PCNX2: variants seen among roughly 807,000 people sequenced by gnomAD.
The protein encoded by PCNX2 is pecanex-like protein 2.
A neutral mutation model predicts 223.8 loss-of-function variants in PCNX2; 168 were observed. The observed-to-expected ratio is 0.75, with a 90% CI of 0.66 to 0.85. The LOEUF is 0.85. Ranked by LOEUF, PCNX2 falls within the 40% of genes least tolerant of loss-of-function variation. The pLI, the probability that PCNX2 is intolerant of heterozygous loss-of-function variation, is 0.00. For missense variants in PCNX2, 2,507 were observed against 2,675.5 expected, an observed-to-expected ratio of 0.94 and a Z score of 1.39; for synonymous variants, 1,006 against 1,052.6, an observed-to-expected ratio of 0.96 and a Z score of 0.86.
At position 233,192,977 on chromosome 1, in the gene PCNX2, C is replaced by A. The variant is rs561276655; in HGVS notation, c.3066+5962G>T. 6.3e-4 allele frequency among the ~76,000 whole-genome samples: 92 copies of A among 147,082 alleles called. No homozygotes were observed. The South Asian group carries it at 6.4e-3, about 10-fold the overall frequency. On this transcript the variant is annotated intron_variant, in intron 15 of 33. Transcript: ENST00000258229. ...GTAACAATAAATACATTTTAATTTGCATTTATTATTTAGACTTATATATTA... is the reference window on the plus strand; with the variant it reads ...GTAACAATAAATACATTTTAATTTGAATTTATTATTTAGACTTATATATTA...
intron 1 of PCNX2, chr1:233,289,321 G>T (rs964629602): frequency 2.3e-5 from 24 of 1,031,168 alleles, no homozygotes; most frequent in Non-Finnish European, 3.2e-5. Flanking sequence ...ATAATATTCA[G>T]CTCCCTGAGC....
chr1:233,228,673 T>C (rs1480976623), intron 9 of PCNX2, among the ~76,000 whole-genome samples: 1 of 152,242 alleles, frequency 6.6e-6, no homozygotes, highest in Non-Finnish European at 1.5e-5. Flanking sequence ...ATACTCCTTG[T>C]ATGTCTGTAT....
chr1:233,189,049 A>G lies in PCNX2; in HGVS notation c.3067-9874T>C, dbSNP rs191865834. 5.3e-5 allele frequency among the ~76,000 whole-genome samples: 8 copies of G among 152,272 alleles called. No homozygotes were observed. In the East Asian group the frequency reaches 1.4e-3, roughly 26 times the overall value. On this transcript the variant is annotated intron_variant, in intron 15 of 33. Transcript: ENST00000258229. ...ATCTTAGAATTCAGCCTCCCACACC[A>G]CTTAACAGGAACTTTTAGCCAGGCA...
intron 25 of PCNX2, chr1:233,032,895 A>G: frequency 1.3e-6 from 1 of 790,106 alleles, no homozygotes; most frequent in Non-Finnish European, 1.5e-6. Context: ...TTAGGAGTGA[A>G]AGAGTCACAC....
rs758450835 is a variant in PCNX2 at position 233,252,640 on chromosome 1, C to T, written c.1982+1G>A. 1.2e-6 allele frequency: 2 copies of T among 1,608,406 alleles called. No homozygotes were observed. Among genetic ancestry groups the T allele is most frequent in the East Asian group, 2.2e-5 (1 of 44,870 alleles). ...AACTAAATTAAGTAACTTATCCTTA[C>T]AAGGCTGTGGTCTTGGCAGGCTGAG... is the stretch of plus-strand genomic sequence containing the variant. On this transcript the variant is annotated splice_donor_variant, in intron 6 of 33. Transcript: ENST00000258229. LOFTEE classifies it high-confidence loss of function.
At chr1:233,095,011 C>G (rs1270678295) in intron 22 of PCNX2, among the ~76,000 whole-genome samples, 2 of 152,138 alleles carry the variant, frequency 1.3e-5, no homozygotes, top group Non-Finnish European at 2.9e-5. Context: ...GAAGGAAAAC[C>G]TTTGAGGACA....
At chr1:233,257,583 A>G (rs1659803569) in intron 5 of PCNX2, among the ~76,000 whole-genome samples, 1 of 152,244 alleles carries the variant, frequency 6.6e-6, no homozygotes, top group African/African-American at 2.4e-5. Context: ...TATGTGTACA[A>G]CATGGGATAA....
chr1:233,111,905 G>A (rs1186614987), intron 21 of PCNX2, among the ~76,000 whole-genome samples: 8 of 152,208 alleles, frequency 5.3e-5, no homozygotes, highest in Admixed American at 2.6e-4. Flanking sequence ...TTCATCAAGC[G>A]CATAGGCTAT....
intron 1 of PCNX2, among the ~76,000 whole-genome samples, chr1:233,292,308 G>A (rs1374143047): frequency 6.8e-6 from 1 of 147,440 alleles, no homozygotes; most frequent in African/African-American, 2.5e-5. Flanking sequence ...CAGGATTCAA[G>A]CGATTCTCCT....
intron 13 of PCNX2, among the ~76,000 whole-genome samples, chr1:233,204,251 G>A (rs750124411): frequency 3.9e-5 from 6 of 152,088 alleles, no homozygotes; most frequent in South Asian, 2.1e-4. Flanking sequence ...GAAGAATGCC[G>A]CCTACAAGCC....
At chr1:233,239,531 T>C (rs1212154125) in intron 8 of PCNX2, among the ~76,000 whole-genome samples, 5 of 152,222 alleles carry the variant, frequency 3.3e-5, no homozygotes, top group African/African-American at 1.2e-4. Flanking sequence ...AGTTCTAGAA[T>C]TAAACAGAAC....
chr1:233,037,781 G>A (rs1671507138), intron 25 of PCNX2, among the ~76,000 whole-genome samples: 1 of 152,188 alleles, frequency 6.6e-6, no homozygotes, highest in Non-Finnish European at 1.5e-5. Context: ...ACATCCCAAG[G>A]AGCCTCACAT....
chr1:233,025,059 A>G, intron 26 of PCNX2, 87 bp downstream of exon 26: 1 of 1,537,950 alleles, frequency 6.5e-7, no homozygotes, highest in East Asian at 2.3e-5. Context: ...GACAGGCTTC[A>G]AAATTTAGCT....
At chr1:233,046,267 T>A (rs1572043604) in intron 25 of PCNX2, among the ~76,000 whole-genome samples, 1 of 152,182 alleles carries the variant, frequency 6.6e-6, no homozygotes. Flanking sequence ...AGATTAAATT[T>A]GACCAAAATA....
chr1:233,197,401 T>C (rs1170612089), intron 15 of PCNX2, among the ~76,000 whole-genome samples: 1 of 152,080 alleles, frequency 6.6e-6, no homozygotes, highest in South Asian at 2.1e-4. Context: ...TTCTCAGAAG[T>C]ACAAGGACTC....
chr1:232,984,401 A>T lies in PCNX2; in HGVS notation c.6317T>A (p.Val2106Glu), dbSNP rs1669388213. ...QLHDRCLAEA[V>E]ADTLGVVCRR... ...GCAGACAACCCCGAGAGTGTCCGCC[A>T]CAGCCTCAGCCAGACATCGGTCATG... is the stretch of plus-strand genomic sequence containing the variant. The change falls in exon 34 of 34, where the codon GTG becomes GAG. Residue 2106 changes from valine (V) to glutamate (E), a missense_variant. Transcript: ENST00000258229. 9 of 1,613,566 alleles carry T rather than the reference A, an allele frequency of 5.6e-6. No homozygotes were observed. Among genetic ancestry groups the T allele is most frequent in the Non-Finnish European group, 7.6e-6 (9 of 1,179,828 alleles).
chr1:233,248,577 T>G (rs987472427), intron 8 of PCNX2, among the ~76,000 whole-genome samples: 2 of 152,146 alleles, frequency 1.3e-5, no homozygotes, highest in East Asian at 3.9e-4. Context: ...TAGGCCCCAA[T>G]GACTCAATCT....
upstream of PCNX2, among the ~76,000 whole-genome samples, chr1:233,298,708 A>AC (rs1662210305): frequency 6.6e-6 from 1 of 152,006 alleles, no homozygotes; most frequent in African/African-American, 2.4e-5. Context: ...GGCCAACATG[A>AC]TGAAACCCCA....
intron 21 of PCNX2, among the ~76,000 whole-genome samples, chr1:233,115,247 A>G (rs372634581): frequency 1.4e-4 from 21 of 152,262 alleles, no homozygotes; most frequent in East Asian, 1.2e-3. Flanking sequence ...CACAGGCCCA[A>G]TTAAAAACAG....
Sources: gnomAD v4.1 joint callset for allele counts (sites outside exome capture counted in the v4.1 genomes callset) on GRCh38, gnomAD v4.1.1 for gene constraint, MANE v1.5 for transcripts, NCBI Gene and HGNC (gene_info 2026-07-23, HGNC 2026-07-21) for gene names.